Variants in MEGF11 observed in about 807,000 individuals in gnomAD.
MEGF11 encodes the protein multiple EGF like domains 11.
MEGF11 carries 126 observed loss-of-function variants against 146.6 expected under a neutral mutation model. The observed-to-expected ratio is 0.86, with a 90% confidence interval of 0.74 to 1.00. The LOEUF is 1.00. Ranked by LOEUF, MEGF11 falls within the 50% of genes least tolerant of loss-of-function variation. The pLI, the probability that MEGF11 is intolerant of heterozygous loss-of-function variation, is 0.00. For synonymous variants in MEGF11, 532 were observed against 583.4 expected (o/e 0.91, Z 1.27); for missense variants, 1,509 against 1,521.2 (o/e 0.99, Z 0.13).
At position 65,909,099 on chromosome 15, in the gene MEGF11, T is replaced by C. The variant is rs1047886999; in HGVS notation, c.2933A>G (p.Tyr978Cys). The C allele has an allele frequency of 2.0e-6, 3 of 1,535,494 alleles. No individual in the cohort carries two copies. In the African/African-American group the frequency reaches 4.1e-5, roughly 21 times the overall value. ...HFQISALEAR[Y>C]PPEDFYIELR... ...TTCAATGTAGAAGTCCTCGGGCGGG[T>C]ACCTGGCCTCCAGGGCACTGATCTG... The change falls in exon 23 of 26, where the codon TAC becomes TGC. Residue 978 changes from tyrosine (Y) to cysteine (C), a missense_variant. Coordinates refer to ENST00000395614, the MANE Select transcript of MEGF11 (RefSeq NM_001385028.1).
At chr15:66,176,169 G>A (rs1241183757) in intron 1 of MEGF11, among the ~76,000 whole-genome samples, 1 of 152,198 alleles carries the variant, frequency 6.6e-6, no homozygotes, top group East Asian at 1.9e-4. Context: ...AAATGCTGAT[G>A]AGGATGCAGA....
At chr15:65,955,791 TATAC>T (rs1334390012) in intron 10 of MEGF11, among the ~76,000 whole-genome samples, 4 of 9,088 alleles carry the variant, frequency 4.4e-4, no homozygotes, top group Non-Finnish European at 6.9e-4. Flanking sequence ...TATATATATA[TATAC>T]ACACACACAC....
At chr15:66,053,322 C>T (rs1157371762) in intron 5 of MEGF11, among the ~76,000 whole-genome samples, 4 of 152,052 alleles carry the variant, frequency 2.6e-5, no homozygotes, top group Non-Finnish European at 4.4e-5. Context: ...AAACACTAGA[C>T]GAGGAGATGG....
Position 66,227,098 on chromosome 15 carries a change from C to T in MEGF11, c.-9+26507G>A, listed in dbSNP as rs191663261. Among the ~76,000 whole-genome samples, 3 of 152,300 alleles carry T rather than the reference C, an allele frequency of 2.0e-5. No homozygotes were observed. The East Asian group carries it at 5.8e-4, about 29-fold the overall frequency. On this transcript the variant is annotated intron_variant, in intron 1 of 25. Coordinates refer to ENST00000395614, the MANE Select transcript of MEGF11 (RefSeq NM_001385028.1). ...TGAAAGACATCTCTGAGGATTTCTA[C>T]AGCCCATGGGGAGGACTAGGTAGTA...
intron 5 of MEGF11, among the ~76,000 whole-genome samples, chr15:66,093,918 G>T (rs1430770540): frequency 1.3e-5 from 2 of 152,178 alleles, no homozygotes; most frequent in Non-Finnish European, 2.9e-5. Flanking sequence ...GCCCCTGCGA[G>T]TGTCCTGTTC....
At chr15:65,996,532 C>A (rs2082206097) in intron 5 of MEGF11, among the ~76,000 whole-genome samples, 1 of 150,502 alleles carries the variant, frequency 6.6e-6, no homozygotes, top group Admixed American at 6.6e-5. Flanking sequence ...GTCGCCCAGG[C>A]TGGAGTGCAG....
At chr15:66,008,615 A>G (rs907688932) in intron 5 of MEGF11, among the ~76,000 whole-genome samples, 4 of 152,048 alleles carry the variant, frequency 2.6e-5, no homozygotes, top group Non-Finnish European at 5.9e-5. Flanking sequence ...CTTGAGCCCA[A>G]GAGTTCCAGA....
intron 5 of MEGF11, among the ~76,000 whole-genome samples, chr15:66,071,951 C>A (rs1283558706): frequency 6.6e-6 from 1 of 152,222 alleles, no homozygotes; most frequent in African/African-American, 2.4e-5. Context: ...GGGACCCAGG[C>A]ACTGCTCACA....
chr15:65,965,195 G>A, intron 8 of MEGF11, 75 bp from the exon 9 acceptor site: 1 of 1,283,034 alleles, frequency 7.8e-7, no homozygotes, highest in South Asian at 1.5e-5. Flanking sequence ...TCCAGGATGT[G>A]GTCCTCCTGG....
intron 5 of MEGF11, among the ~76,000 whole-genome samples, chr15:66,000,409 C>G (rs1469624899): frequency 6.6e-6 from 1 of 152,162 alleles, no homozygotes; most frequent in Non-Finnish European, 1.5e-5. Context: ...GTACACACCT[C>G]TAGTGCCAGT....
intron 5 of MEGF11, among the ~76,000 whole-genome samples, chr15:65,988,578 A>G (rs1487875201): frequency 6.6e-6 from 1 of 152,196 alleles, no homozygotes; most frequent in African/African-American, 2.4e-5. Flanking sequence ...GAACACTGGG[A>G]TATAAGTATC....
In MEGF11 at chr15:65,944,468, G is replaced by A. The variant is rs551809482; in HGVS notation, c.1287+13079C>T. ...CACACGTGGGTTGGGGGGCTGCAGG[G>A]TAAGGCAGTTTGGATTTGCTGGAGT... On this transcript the variant is annotated intron_variant, in intron 10 of 25. Coordinates refer to ENST00000395614, the MANE Select transcript of MEGF11 (RefSeq NM_001385028.1). 2.6e-5 allele frequency among the ~76,000 whole-genome samples: 4 copies of A among 152,288 alleles called. No individual in the cohort carries two copies. In the South Asian group the frequency reaches 6.2e-4, roughly 24 times the overall value.
intron 1 of MEGF11, among the ~76,000 whole-genome samples, chr15:66,239,955 C>A (rs892545921): frequency 6.6e-6 from 1 of 152,244 alleles, no homozygotes; most frequent in Admixed American, 6.5e-5. Flanking sequence ...CACAGTGGCT[C>A]CACTCAGCCT....
intron 5 of MEGF11, among the ~76,000 whole-genome samples, chr15:66,005,545 T>C (rs929692200): frequency 6.6e-5 from 10 of 152,182 alleles, no homozygotes; most frequent in African/African-American, 2.4e-4. Context: ...TGTGGAGGCT[T>C]GAGTTAAGCT....
rs139443381 is a variant in MEGF11 at position 65,965,030 on chromosome 15, C to A, written c.990G>T (p.Thr330=). The A allele has an allele frequency of 1.3e-6, 2 of 1,582,982 alleles. No homozygotes were observed. The highest frequency in any genetic ancestry group is 2.3e-5 in the East Asian group (1 of 43,176). ...CHNGGQCSPT[T]GACECEPGYK... The stretch of plus-strand genomic sequence containing the variant: ...AGCCAGGCTCACACTCGCAGGCACC[C>A]GTGGTGGGTGAACACTGCCCCCCAT... The change falls in exon 9 of 26, where the codon ACG becomes ACT. Residue 330 remains threonine (T), a synonymous_variant. Coordinates refer to ENST00000395614, the MANE Select transcript of MEGF11 (RefSeq NM_001385028.1).
chr15:65,977,995 AG>A (rs2081507839), intron 7 of MEGF11, among the ~76,000 whole-genome samples: 1 of 152,204 alleles, frequency 6.6e-6, no homozygotes, highest in African/African-American at 2.4e-5. Context: ...CTCCTGAAAC[AG>A]GCTTCATGTT....
At chr15:66,018,816 GGAGA>G (rs761641012) in intron 5 of MEGF11, among the ~76,000 whole-genome samples, 3 of 152,234 alleles carry the variant, frequency 2.0e-5, no homozygotes, top group Non-Finnish European at 4.4e-5. Context: ...AGAAACATTT[GGAGA>G]GAGACTGACC....
rs1368328040 is a variant in MEGF11 at position 65,897,428 on chromosome 15, T to C, written c.*506A>G. On this transcript the variant is annotated 3_prime_UTR_variant, in exon 26 of 26. Coordinates refer to ENST00000395614, the MANE Select transcript of MEGF11 (RefSeq NM_001385028.1). ...GACCAGACAGATATGTACAGACATT[T>C]TAAGACTGTTCTGTTTAAGAACAGT... The C allele has an allele frequency of 6.6e-6, 1 of 152,264 alleles. No homozygotes were observed. The highest frequency in any genetic ancestry group is 6.5e-5 in the Admixed American group (1 of 15,274). 9.4% of individuals were successfully genotyped at this position (152,264 alleles called of 1,614,324 possible). A position where few individuals can be genotyped will look rare whatever the true frequency, so the allele number is the denominator to read the frequency against.
chr15:66,113,740 G>T (rs896102030), intron 4 of MEGF11, among the ~76,000 whole-genome samples: 1 of 152,170 alleles, frequency 6.6e-6, no homozygotes, highest in African/African-American at 2.4e-5. Context: ...AATTAGCCAG[G>T]TGCGGTGTCG....
Sources: gnomAD v4.1 joint callset for allele counts (sites outside exome capture counted in the v4.1 genomes callset) on GRCh38, gnomAD v4.1.1 for gene constraint, MANE v1.5 for transcripts, NCBI Gene and HGNC (gene_info 2026-07-23, HGNC 2026-07-21) for gene names.